Variants in DAPL1 observed in about 807,000 individuals in gnomAD.
DAPL1 encodes death-associated protein-like 1.
Under a neutral mutation model 12.9 loss-of-function variants are expected in DAPL1, and 17 were observed. The ratio of observed to expected loss-of-function variants is 1.32; its 90% confidence interval spans 0.90 to 1.98. The LOEUF (loss-of-function observed/expected upper bound fraction) is 1.98. DAPL1 is among the 30% of genes most tolerant of loss of function. The pLI, the probability that DAPL1 is intolerant of heterozygous loss-of-function variation, is 0.00. For synonymous variants in DAPL1, 51 were observed against 42.0 expected, an observed-to-expected ratio of 1.21 and a Z score of -0.82; for missense variants, 157 against 125.7, an observed-to-expected ratio of 1.25 and a Z score of -1.19.
chr2:158,809,040 G>A (rs548120047), intron 3 of DAPL1, among the ~76,000 whole-genome samples: 10 of 152,182 alleles, frequency 6.6e-5, no homozygotes, highest in African/African-American at 2.2e-4. Context: ...AACCATAAGA[G>A]AACATTGAGA....
At chr2:158,808,273 A>G (rs552749993) in intron 3 of DAPL1, among the ~76,000 whole-genome samples, 11 of 152,272 alleles carry the variant, frequency 7.2e-5, no homozygotes, top group African/African-American at 2.4e-4. Context: ...CTGGAACCCC[A>G]TTTGGCACTG....
At chr2:158,812,495 A>G (rs2059236015) in intron 3 of DAPL1, among the ~76,000 whole-genome samples, 1 of 152,218 alleles carries the variant, frequency 6.6e-6, no homozygotes, top group South Asian at 2.1e-4. Flanking sequence ...AAAAATAAAT[A>G]TAGAATTGCC....
chr2:158,815,356 C>A (rs2059254222), intron 3 of DAPL1, among the ~76,000 whole-genome samples: 1 of 152,178 alleles, frequency 6.6e-6, no homozygotes, highest in Non-Finnish European at 1.5e-5. Context: ...GGACCTTCTC[C>A]AATGTCCCTG....
intron 1 of DAPL1, among the ~76,000 whole-genome samples, chr2:158,799,800 C>G (rs924957911): frequency 6.6e-6 from 1 of 152,060 alleles, no homozygotes; most frequent in African/African-American, 2.4e-5. Flanking sequence ...ATGACAGAGA[C>G]GATTTAAAGA....
At chr2:158,811,754 A>G (rs2059231893) in intron 3 of DAPL1, among the ~76,000 whole-genome samples, 1 of 152,182 alleles carries the variant, frequency 6.6e-6, no homozygotes, top group East Asian at 1.9e-4. Flanking sequence ...AATGAATGAG[A>G]CAAGAAACAC....
intron 1 of DAPL1, among the ~76,000 whole-genome samples, chr2:158,800,012 C>T (rs959058021): frequency 2.7e-5 from 4 of 147,774 alleles, no homozygotes; most frequent in Non-Finnish European, 5.9e-5. Flanking sequence ...TGCAGTGAGC[C>T]GAGATCGCTC....
intron 1 of DAPL1, among the ~76,000 whole-genome samples, chr2:158,797,557 C>T (rs1348652175): frequency 7.2e-5 from 11 of 152,056 alleles, no homozygotes; most frequent in Admixed American, 3.3e-4. Context: ...TTTGGGAGGC[C>T]GAGGTGGGTG....
chr2:158,815,550 A>G (rs1056906100), intron 3 of DAPL1, among the ~76,000 whole-genome samples, 155 bp from the exon 4 acceptor site: 1 of 152,244 alleles, frequency 6.6e-6, no homozygotes, highest in African/African-American at 2.4e-5. Context: ...CCATGGGTTT[A>G]GGGCTAGAAA....
chr2:158,807,446 G>A (rs1191335387), intron 3 of DAPL1, among the ~76,000 whole-genome samples: 1 of 152,200 alleles, frequency 6.6e-6, no homozygotes, highest in Non-Finnish European at 1.5e-5. Context: ...AGCCTGTGGA[G>A]TGGGGCTTCA....
chr2:158,801,132 C>T (rs766862309), intron 1 of DAPL1, among the ~76,000 whole-genome samples: 2 of 152,148 alleles, frequency 1.3e-5, no homozygotes, highest in Non-Finnish European at 2.9e-5. Context: ...TGTGAGCCAT[C>T]GCGCCCAGCC....
chr2:158,796,132 A>T (rs1190272217), intron 1 of DAPL1, among the ~76,000 whole-genome samples: 1 of 152,178 alleles, frequency 6.6e-6, no homozygotes, highest in Non-Finnish European at 1.5e-5. Flanking sequence ...CCATATGTTC[A>T]TATAGATTGG....
rs143748942 is a variant in DAPL1 at position 158,809,668 on chromosome 2, A to T, written c.207+2553A>T. 1.6e-4 allele frequency among the ~76,000 whole-genome samples: 25 copies of T among 152,306 alleles called. No homozygotes were observed. In the East Asian group the frequency reaches 4.8e-3, roughly 29 times the overall value. On this transcript the variant is annotated intron_variant, in intron 3 of 3. Coordinates refer to ENST00000309950, the MANE Select transcript of DAPL1 (RefSeq NM_001017920.3). ...AGAGTAAAATGAAGTTACATAATAC[A>T]TGCGCAGTGCTAGGATACTTAGCCC...
intron 1 of DAPL1, among the ~76,000 whole-genome samples, chr2:158,800,855 T>C (rs1270216263): frequency 6.6e-6 from 1 of 152,204 alleles, no homozygotes; most frequent in Non-Finnish European, 1.5e-5. Flanking sequence ...CTTTTCTTTT[T>C]TTTAGACAGA....
chr2:158,800,188 T>C (rs115127277), intron 1 of DAPL1, among the ~76,000 whole-genome samples: 1,802 of 152,306 alleles, frequency 0.012, 35 homozygotes, highest in African/African-American at 0.041. Context: ...TAATAAGGAC[T>C]TTATAATAAA....
At chr2:158,804,973 C>A (rs3914570) in intron 2 of DAPL1, among the ~76,000 whole-genome samples, 71,545 of 151,996 alleles carry the variant, frequency 0.47, 17,536 homozygotes, top group East Asian at 0.84. Flanking sequence ...AATGGCCCAA[C>A]CAGTCTAGGC....
At chr2:158,800,365 T>C (rs963194097) in intron 1 of DAPL1, among the ~76,000 whole-genome samples, 2 of 152,218 alleles carry the variant, frequency 1.3e-5, no homozygotes, top group Non-Finnish European at 2.9e-5. Flanking sequence ...GTAGCCAGAC[T>C]GTACCTTTCT....
intron 1 of DAPL1, among the ~76,000 whole-genome samples, chr2:158,798,433 G>C (rs1047284877): frequency 1.3e-5 from 2 of 152,232 alleles, no homozygotes; most frequent in Non-Finnish European, 2.9e-5. Context: ...AGTTAGAAGA[G>C]AGAGGCTGTG....
chr2:158,798,506 G>A (rs1005314897), intron 1 of DAPL1, among the ~76,000 whole-genome samples: 2 of 152,174 alleles, frequency 1.3e-5, no homozygotes, highest in Non-Finnish European at 2.9e-5. Context: ...GCTGCCATTC[G>A]CTCAATGCTG....
chr2:158,815,335 G>A (rs747276774), intron 3 of DAPL1, among the ~76,000 whole-genome samples: 11 of 151,924 alleles, frequency 7.2e-5, no homozygotes, highest in Non-Finnish European at 1.0e-4. Flanking sequence ...GGAGTTTTTC[G>A]TCCCCACTCT....
Sources: allele counts gnomAD v4.1 joint callset (sites outside exome capture counted in the v4.1 genomes callset), GRCh38; gene constraint gnomAD v4.1.1; transcripts MANE v1.5; gene names NCBI Gene and HGNC (gene_info 2026-07-23, HGNC 2026-07-21).